Variants in ASB3 observed in about 807,000 individuals in gnomAD.
The protein encoded by ASB3 is ankyrin repeat and SOCS box containing 3, also known as ankyrin repeat and SOCS box protein 3.
A neutral mutation model predicts 54.5 loss-of-function variants in ASB3; 41 were observed. The ratio of observed to expected loss-of-function variants is 0.75; its 90% CI spans 0.59 to 0.98. The LOEUF is 0.98. Among genes scored for constraint, ASB3 ranks in the 50% least tolerant of loss-of-function variants. The pLI, the probability that ASB3 is intolerant of heterozygous loss-of-function variation, is 0.00. For synonymous variants in ASB3, 266 were observed against 221.2 expected (o/e 1.20, Z -1.80); for missense variants, 733 against 620.0 (o/e 1.18, Z -1.94).
rs147616155 is a variant in ASB3, at chr2:53,670,628, G to A, written c.1432C>T (p.Arg478Cys). The change falls in exon 10 of 10, where the codon CGT becomes TGT. Residue 478 changes from arginine (R) to cysteine (C), a missense_variant. Transcript: ENST00000263634. ...CTAATATAACTGTCAGACCGTAGAC[G>A]TTCTGATTTTAGACTGGACCGAATT... ...LEIRSSLKSE[R>C]LRSDSYISQL... The A allele has an allele frequency of 1.9e-5, 31 of 1,614,008 alleles. No homozygotes were observed. The highest frequency in any genetic ancestry group is 1.2e-4 in the African/African-American group (9 of 75,006).
intron 3 of ASB3, among the ~76,000 whole-genome samples, chr2:53,739,035 G>C (rs971232002): frequency 9.2e-5 from 14 of 152,176 alleles, no homozygotes; most frequent in African/African-American, 3.4e-4. Flanking sequence ...ATATAACATA[G>C]TATGGAAGAA....
intron 9 of ASB3, among the ~76,000 whole-genome samples, chr2:53,680,445 T>A (rs1363707651): frequency 6.6e-6 from 1 of 152,266 alleles, no homozygotes; most frequent in East Asian, 1.9e-4. Context: ...CTGACTGCTA[T>A]GAGATGGTAT....
intron 3 of ASB3, among the ~76,000 whole-genome samples, chr2:53,734,460 T>C (rs1045207552): frequency 3.3e-5 from 5 of 152,196 alleles, no homozygotes; most frequent in Non-Finnish European, 5.9e-5. Flanking sequence ...GATCCCATTT[T>C]CCCACAAATC....
At chr2:53,774,172 C>T (rs747351402) in intron 1 of ASB3, 1 of 1,610,872 alleles carries the variant, frequency 6.2e-7, no homozygotes, top group Non-Finnish European at 8.5e-7. Context: ...TTACAGATTG[C>T]CAGTAGGAAA....
At chr2:53,744,747 T>C (rs1558554853) in intron 3 of ASB3, among the ~76,000 whole-genome samples, 1 of 152,230 alleles carries the variant, frequency 6.6e-6, no homozygotes, top group Non-Finnish European at 1.5e-5. Context: ...TGATCACTTA[T>C]CCATGAAGAC....
intron 9 of ASB3, among the ~76,000 whole-genome samples, chr2:53,673,627 A>G (rs1667934123): frequency 6.6e-6 from 1 of 152,222 alleles, no homozygotes; most frequent in Non-Finnish European, 1.5e-5. Flanking sequence ...GTGGCACATC[A>G]ACAACATAGC....
At chr2:53,753,220 A>G (rs1672623050) in intron 2 of ASB3, among the ~76,000 whole-genome samples, 1 of 152,252 alleles carries the variant, frequency 6.6e-6, no homozygotes, top group Admixed American at 6.5e-5. Context: ...TGAAAACTGT[A>G]AGACTAAAGA....
chr2:53,702,001 T>C (rs902669023), intron 7 of ASB3, among the ~76,000 whole-genome samples: 2 of 152,168 alleles, frequency 1.3e-5, no homozygotes, highest in African/African-American at 2.4e-5. Context: ...ATATTCAATA[T>C]TATTTAATCC....
chr2:53,774,980 A>G (rs551163136), intron 1 of ASB3: 1 of 153,082 alleles, frequency 6.5e-6, no homozygotes, highest in South Asian at 2.1e-4. Context: ...ACACAATAAT[A>G]TGAACAGTAT....
intron 2 of ASB3, among the ~76,000 whole-genome samples, chr2:53,764,817 C>T (rs569434061): frequency 6.6e-6 from 1 of 152,172 alleles, no homozygotes; most frequent in African/African-American, 2.4e-5. Flanking sequence ...GTTTTATTAT[C>T]TCTACTTTGT....
At chr2:53,687,817 C>CT (rs1558516941) in intron 9 of ASB3, among the ~76,000 whole-genome samples, 2 of 152,046 alleles carry the variant, frequency 1.3e-5, no homozygotes, top group African/African-American at 4.8e-5. Context: ...ATTTGTAGCT[C>CT]TTTTTTTATC....
At chr2:53,736,625 G>A (rs1214003701) in intron 3 of ASB3, among the ~76,000 whole-genome samples, 1 of 151,886 alleles carries the variant, frequency 6.6e-6, no homozygotes, top group Non-Finnish European at 1.5e-5. Flanking sequence ...TGTGAACCCA[G>A]GAGGCGGAGC....
At chr2:53,711,214 G>A (rs986305467) in intron 7 of ASB3, among the ~76,000 whole-genome samples, 5 of 152,140 alleles carry the variant, frequency 3.3e-5, no homozygotes, top group African/African-American at 9.7e-5. Flanking sequence ...AAATTCATAT[G>A]CACAATTAGG....
chr2:53,688,902 C>A (rs1424489537), intron 9 of ASB3, among the ~76,000 whole-genome samples: 1 of 151,866 alleles, frequency 6.6e-6, no homozygotes, highest in East Asian at 1.9e-4. Context: ...CCTGCACGTC[C>A]TGCACATGTA....
chr2:53,768,543 C>T (rs4671583), intron 1 of ASB3, among the ~76,000 whole-genome samples: 62,957 of 152,058 alleles, frequency 0.41, 13,946 homozygotes, highest in East Asian at 0.62. Context: ...TTCTGACACA[C>T]AGGATTGCAG....
chr2:53,771,001 G>C (rs1201022401), intron 1 of ASB3, among the ~76,000 whole-genome samples: 1 of 152,118 alleles, frequency 6.6e-6, no homozygotes, highest in Non-Finnish European at 1.5e-5. Context: ...GGTAGCAGTG[G>C]TTCTTAAAGT....
intron 5 of ASB3, among the ~76,000 whole-genome samples, chr2:53,717,782 C>G (rs953662170): frequency 6.6e-6 from 1 of 151,962 alleles, no homozygotes; most frequent in African/African-American, 2.4e-5. Context: ...AAAATAAACA[C>G]AAAGAAACTT....
intron 3 of ASB3, among the ~76,000 whole-genome samples, chr2:53,747,062 C>A (rs1209755631): frequency 9.9e-5 from 15 of 151,898 alleles, no homozygotes; most frequent in Non-Finnish European, 2.1e-4. Context: ...AATATAAACC[C>A]CTAAAAACTA....
chr2:53,715,768 G>A (rs1367890338), intron 6 of ASB3, among the ~76,000 whole-genome samples: 6 of 152,104 alleles, frequency 3.9e-5, no homozygotes, highest in Non-Finnish European at 7.4e-5. Context: ...AAAGTACTGT[G>A]TCACCTAGTG....
Sources: allele counts gnomAD v4.1 joint callset (sites outside exome capture counted in the v4.1 genomes callset), GRCh38; gene constraint gnomAD v4.1.1; transcripts MANE v1.5; gene names NCBI Gene and HGNC (gene_info 2026-07-23, HGNC 2026-07-21).